Variants in SHROOM2 observed in about 807,000 individuals in gnomAD.
SHROOM2 encodes protein Shroom2.
SHROOM2 carries 33 observed loss-of-function variants against 75.9 expected under a neutral mutation model. That is an observed-to-expected ratio of 0.43 (90% CI 0.33 to 0.58). The LOEUF is 0.58. SHROOM2 is among the 20% of genes least tolerant of loss of function. The pLI, the probability that SHROOM2 is intolerant of heterozygous loss-of-function variation, is 0.04. For missense variants in SHROOM2, 1,434 were observed against 1,461.2 expected (o/e 0.98, Z 0.30); for synonymous variants, 655 against 663.6 (o/e 0.99, Z 0.20).
intron 5 of SHROOM2, among the ~76,000 whole-genome samples, chrX:9,924,830 T>C (rs964191105): frequency 9.2e-6 from 1 of 108,609 alleles, no homozygotes; most frequent in South Asian, 4.0e-4. Context: ...TAATTTTTAA[T>C]TTTTTTTTTA....
At chrX:9,801,713 G>A (rs1013144437) in intron 1 of SHROOM2, among the ~76,000 whole-genome samples, 1 of 111,733 alleles carries the variant, frequency 8.9e-6, no homozygotes, top group African/African-American at 3.3e-5. Flanking sequence ...TAGCACTTGG[G>A]AGGCCAAGGT....
chrX:9,907,776 G>GT (rs1419673459), intron 5 of SHROOM2, among the ~76,000 whole-genome samples: 2 of 112,174 alleles, frequency 1.8e-5, no homozygotes, highest in African/African-American at 6.5e-5. Context: ...CCCCCTGTCT[G>GT]TTTTTTTAAA....
chrX:9,915,339 A>C (rs2084480549), intron 5 of SHROOM2, among the ~76,000 whole-genome samples: 1 of 110,865 alleles, frequency 9.0e-6, no homozygotes, highest in African/African-American at 3.3e-5. Flanking sequence ...CAGGAACAAA[A>C]GCATATGAAT....
rs1366803497 is a variant in SHROOM2, at chrX:9,944,754, C to T, written c.4425C>T (p.Ile1475=). ...TGCTGGGGGCCGAGGTGGAGGCCAT[C>T]GTGAAAGGCGTCTGCAAGCCCAGCG... ...NTVLGAEVEA[I]VKGVCKPSEF... The change falls in exon 9 of 10, where the codon ATC becomes ATT. Residue 1475 remains isoleucine (I), a synonymous_variant. Coordinates refer to ENST00000380913, the MANE Select transcript of SHROOM2 (RefSeq NM_001649.4). 2.5e-6 allele frequency: 3 copies of T among 1,212,172 alleles called. No homozygotes were observed. Among genetic ancestry groups the T allele is most frequent in the South Asian group, 1.8e-5 (1 of 57,007 alleles).
chrX:9,877,835 G>A (rs769794482), intron 2 of SHROOM2, among the ~76,000 whole-genome samples: 14 of 108,787 alleles, frequency 1.3e-4, no homozygotes, highest in African/African-American at 3.7e-4. Context: ...AAGCTGCTCC[G>A]GAGGAGAGGA....
At position 9,802,592 on chromosome X, in the gene SHROOM2, A is replaced by T. The variant is rs146335433; in HGVS notation, c.165+15882A>T. Among the ~76,000 whole-genome samples, 10 of 111,883 alleles carry T rather than the reference A, an allele frequency of 8.9e-5. No individual in the cohort carries two copies. In the East Asian group the frequency reaches 2.8e-3, roughly 31 times the overall value. ...CCTCTGTAATCATTGGTCTTGCAGC[A>T]TCCTCAAGCCTACTTGACCCGGGAG... On this transcript the variant is annotated intron_variant, in intron 1 of 9. Transcript: ENST00000380913.
Position 9,947,261 on chromosome X carries a change from C to T in SHROOM2, c.*324C>T, listed in dbSNP as rs764742931. On this transcript the variant is annotated 3_prime_UTR_variant, in exon 10 of 10. Transcript: ENST00000380913. ...GAGTGGTCACTGTCAGTGGGAAACC[C>T]GTTGTTCCTCCCGTCTTCAGATGCT... 1.2e-5 allele frequency: 3 copies of T among 259,250 alleles called. No individual in the cohort carries two copies. The highest frequency in any genetic ancestry group is 1.0e-4 in the South Asian group (1 of 9,962). 21.4% of individuals were successfully genotyped at this position (259,250 alleles called of 1,213,427 possible).
In SHROOM2 at chrX:9,948,236, C is replaced by T. The variant is rs1452027612; in HGVS notation, c.*1299C>T. On this transcript the variant is annotated 3_prime_UTR_variant, in exon 10 of 10. Transcript: ENST00000380913. ...AGCATACACGCGTGGCAAACAAGCA[C>T]ACGAAAAGACGTTCAGCCGCCGATG... 4.4e-5 allele frequency: 5 copies of T among 112,492 alleles called. No homozygotes were observed. In the East Asian group the frequency reaches 1.4e-3, roughly 31 times the overall value. 9.3% of individuals were successfully genotyped at this position (112,492 alleles called of 1,213,427 possible).
At position 9,898,305 on chromosome X, in the gene SHROOM2, G is replaced by T. The variant is rs1260831623; in HGVS notation, c.2891+15G>T. ...TCCACGCCGAGGTGGGTGAAATTTG[G>T]ATTCAGAGTTACTGAAGAGGCGTCT... On this transcript the variant is annotated intron_variant, in intron 5 of 9. Transcript: ENST00000380913. 6 of 1,126,979 alleles carry T rather than the reference G, an allele frequency of 5.3e-6. No homozygotes were observed. Among genetic ancestry groups the T allele is most frequent in the Admixed American group, 5.2e-5 (2 of 38,772 alleles). The allele number at this position is 1,126,979 out of a possible 1,213,427, so 92.9% of individuals were successfully genotyped here.
intron 1 of SHROOM2, among the ~76,000 whole-genome samples, chrX:9,839,054 G>A (rs777023889): frequency 9.0e-6 from 1 of 111,356 alleles, no homozygotes; most frequent in African/African-American, 3.3e-5. Context: ...AGAGCTGGGG[G>A]TATGAAAGGA....
intron 5 of SHROOM2, among the ~76,000 whole-genome samples, chrX:9,903,254 A>G (rs1220076136): frequency 8.9e-6 from 1 of 112,332 alleles, no homozygotes; most frequent in Non-Finnish European, 1.9e-5. Flanking sequence ...CTGGCCTTCA[A>G]TTAGCTCAGG....
intron 1 of SHROOM2, among the ~76,000 whole-genome samples, chrX:9,871,143 T>C (rs994983831): frequency 9.0e-6 from 1 of 110,613 alleles, no homozygotes; most frequent in African/African-American, 3.3e-5. Flanking sequence ...TGCCTCCTTA[T>C]ACACACCTCA....
intron 5 of SHROOM2, chrX:9,912,767 G>A (rs1423439421): frequency 8.9e-6 from 1 of 112,135 alleles, no homozygotes; most frequent in African/African-American, 3.2e-5. Flanking sequence ...GTAAGGTCTG[G>A]TGAGGTCGGC....
At chrX:9,918,588 C>T (rs1251946490) in intron 5 of SHROOM2, among the ~76,000 whole-genome samples, 2 of 112,074 alleles carry the variant, frequency 1.8e-5, no homozygotes, top group Admixed American at 1.9e-4. Flanking sequence ...CTCCTAGGCT[C>T]AAGCAATCTT....
chrX:9,813,457 C>G (rs1284416498), intron 1 of SHROOM2, among the ~76,000 whole-genome samples: 1 of 111,720 alleles, frequency 9.0e-6, no homozygotes, highest in Non-Finnish European at 1.9e-5. Context: ...CCCAAAATGT[C>G]TGATCATTTC....
At chrX:9,910,816 CAA>C (rs201958775) in intron 5 of SHROOM2, among the ~76,000 whole-genome samples, 1 of 95,622 alleles carries the variant, frequency 1.0e-5, no homozygotes. Flanking sequence ...GACTCCATCT[CAA>C]AAAAAAAAAA....
At chrX:9,834,312 G>A (rs984634724) in intron 1 of SHROOM2, among the ~76,000 whole-genome samples, 4 of 112,442 alleles carry the variant, frequency 3.6e-5, no homozygotes, top group African/African-American at 1.3e-4. Context: ...GTGTCCTCCA[G>A]AGGGAGGAAT....
At chrX:9,927,397 A>AG (rs2084606346) in intron 5 of SHROOM2, among the ~76,000 whole-genome samples, 1 of 94,113 alleles carries the variant, frequency 1.1e-5, no homozygotes, top group Non-Finnish European at 2.1e-5. Flanking sequence ...AAAGTAGGTG[A>AG]GGAGGACCCT....
rs767591095 is a variant in SHROOM2, at chrX:9,946,804, C to T, written c.4718C>T (p.Ala1573Val). The T allele has an allele frequency of 1.1e-5, 13 of 1,204,361 alleles. No homozygotes were observed. Among genetic ancestry groups the T allele is most frequent in the South Asian group, 7.2e-5 (4 of 55,572 alleles). ...AACTATCTGAGCGAGGAGAGCCTCG[C>T]GGACTATGAGCACTTCGTGAAGATG... ...LANYLSEESLADYEHFVKMKS... is the reference protein window; with the variant it reads ...LANYLSEESLVDYEHFVKMKS... The change falls in exon 10 of 10, where the codon GCG becomes GTG. Residue 1573 changes from alanine (A) to valine (V), a missense_variant. Around this residue, in one of 3 missense-constraint regions of SHROOM2, gnomAD observed 80 missense variants for 88.4 expected, o/e 0.90. Coordinates refer to ENST00000380913, the MANE Select transcript of SHROOM2 (RefSeq NM_001649.4).
Sources: allele counts gnomAD v4.1 joint callset (sites outside exome capture counted in the v4.1 genomes callset), GRCh38; gene constraint gnomAD v4.1.1; regional missense constraint gnomAD v4.1.1; transcripts MANE v1.5; gene names NCBI Gene and HGNC (gene_info 2026-07-23, HGNC 2026-07-21).